GALNT2: variants seen among roughly 807,000 people sequenced by gnomAD.
GALNT2 encodes the protein UDP-GalNAc:polypeptide N-acetylgalactosaminyltransferase 2.
Under a neutral mutation model 81.4 loss-of-function variants are expected in GALNT2, and 31 were observed. The observed-to-expected ratio is 0.38, with a 90% confidence interval of 0.29 to 0.51. The LOEUF is 0.51. Among genes scored for constraint, GALNT2 ranks in the 20% least tolerant of loss-of-function variants. The pLI is 0.87. For synonymous variants in GALNT2, 303 were observed against 287.4 expected (o/e 1.05, Z -0.55); for missense variants, 629 against 765.7 (o/e 0.82, Z 2.11).
rs1314242242 is a variant in GALNT2 at position 230,178,201 on chromosome 1, T to A, written c.127-17T>A. 1 of 1,593,004 alleles carries A rather than the reference T, an allele frequency of 6.3e-7. No individual in the cohort carries two copies. The highest frequency in any genetic ancestry group is 2.2e-5 in the East Asian group (1 of 44,796). On this transcript the variant is annotated splice_polypyrimidine_tract_variant and intron_variant, in intron 1 of 15. Transcript: ENST00000366672. ...TTGAAGAACAAGTCAACTCATTCAG[T>A]GTCTTTGTTCCCCTAGGAGGACTGG...
In GALNT2 at chr1:230,243,482, A is replaced by C; in HGVS notation, c.729+55A>C. On this transcript the variant is annotated intron_variant, in intron 7 of 15. Transcript: ENST00000366672. This position sits in a 1 kb window ranked among gnomAD's most constrained non-coding sequence, Gnocchi z 4.2. ...AGGTCGTGGGTGGTTGGTAGAGGGG[A>C]CAGAAGGGAGCATGGTCCAGGGGAG... The C allele has an allele frequency of 6.3e-7, 1 of 1,596,590 alleles. No homozygotes were observed. The highest frequency in any genetic ancestry group is 1.3e-5 in the African/African-American group (1 of 74,676).
chr1:230,252,879 G>A (rs762751851), intron 10 of GALNT2, among the ~76,000 whole-genome samples: 51 of 116,948 alleles, frequency 4.4e-4, no homozygotes, highest in African/African-American at 1.3e-3. Flanking sequence ...ATGGAGTCTC[G>A]CTCTGTCACC....
At chr1:230,259,839 G>A (rs1665824978) in intron 11 of GALNT2, 1 of 152,230 alleles carries the variant, frequency 6.6e-6, no homozygotes, top group African/African-American at 2.4e-5. Context: ...TGGGGAAGTT[G>A]CAAATCTGTG....
intron 1 of GALNT2, among the ~76,000 whole-genome samples, chr1:230,155,324 G>T (rs1034962577): frequency 6.6e-6 from 1 of 152,168 alleles, no homozygotes; most frequent in South Asian, 2.1e-4. Context: ...GTTTTCGCTC[G>T]GAGGTGGGCC....
rs559051565 is a variant in GALNT2, at chr1:230,235,742, C to T, written c.375-272C>T. Among the ~76,000 whole-genome samples, 32 of 152,200 alleles carry T rather than the reference C, an allele frequency of 2.1e-4. No homozygotes were observed. The South Asian group carries it at 2.3e-3, about 11-fold the overall frequency. The stretch of plus-strand genomic sequence containing the variant: ...GAAATGGGATTTCACTGTTTTAAAA[C>T]ACTTTTTTTTAACGTGTTAGAAAGA... On this transcript the variant is annotated intron_variant, in intron 3 of 15. Coordinates refer to ENST00000366672, the MANE Select transcript of GALNT2 (RefSeq NM_004481.5).
rs552692299 is a variant in GALNT2 at position 230,059,703 on chromosome 1, C to A, written n.89+1625C>A. On this transcript the variant is annotated intron_variant and non_coding_transcript_variant, in intron 1 of 6. Coordinates refer to the GALNT2 transcript ENST00000494106. Reference sequence around the variant, plus strand: ...TTAAAGAAAACGATTTCAAACTTACCAAAAAAGTTGCAAAAATAGTGCAGA... The same window carrying A: ...TTAAAGAAAACGATTTCAAACTTACAAAAAAAGTTGCAAAAATAGTGCAGA... Among the ~76,000 whole-genome samples, 135 of 152,206 alleles carry A rather than the reference C, an allele frequency of 8.9e-4. 5 individuals carry two copies. The South Asian group carries it at 0.027, about 31-fold the overall frequency.
chr1:230,161,343 A>G (rs1209242184), intron 1 of GALNT2, among the ~76,000 whole-genome samples: 1 of 152,202 alleles, frequency 6.6e-6, no homozygotes, highest in Admixed American at 6.5e-5. Context: ...CAGCATTCTA[A>G]GAGGGCATGT....
At chr1:230,184,220 G>A (rs377372230) in intron 2 of GALNT2, among the ~76,000 whole-genome samples, 1 of 145,268 alleles carries the variant, frequency 6.9e-6, no homozygotes, top group Admixed American at 6.9e-5. Context: ...ACAGAGTCTC[G>A]CTCTATTACC....
chr1:230,066,255 G>T (rs907935129), upstream of GALNT2, among the ~76,000 whole-genome samples: 2 of 152,194 alleles, frequency 1.3e-5, no homozygotes, highest in African/African-American at 4.8e-5. Flanking sequence ...TAGGAACACT[G>T]GAAGCTTTGC....
intron 1 of GALNT2, among the ~76,000 whole-genome samples, chr1:230,094,541 G>A (rs1660188841): frequency 6.6e-6 from 1 of 152,186 alleles, no homozygotes; most frequent in South Asian, 2.1e-4. Flanking sequence ...GGGAGGCTGA[G>A]GCAGGAGAAT....
In GALNT2 at chr1:230,178,291, G is replaced by A; in HGVS notation, c.200G>A (p.Ser67Asn). 7.4e-6 allele frequency: 12 copies of A among 1,613,956 alleles called. No homozygotes were observed. Among genetic ancestry groups the A allele is most frequent in the Non-Finnish European group, 1.0e-5 (12 of 1,179,902 alleles). ...AGCAATGGAGAAGAGAAAGCACAAAGCATGGAGACCCTCCCTCCAGGTACT... is the reference window on the plus strand; with the variant it reads ...AGCAATGGAGAAGAGAAAGCACAAAACATGGAGACCCTCCCTCCAGGTACT... Reference protein sequence around the residue: ...HHSNGEEKAQSMETLPPGKVR... With the variant: ...HHSNGEEKAQNMETLPPGKVR... Residue 67 changes from serine (S) to asparagine (N), a missense_variant, in exon 2 of 16, where the codon AGC becomes AAC. Physicochemically the swap from Ser to Asn is conservative, Grantham distance 46. Around this residue, in one of 3 missense-constraint regions of GALNT2, gnomAD observed 360 missense variants for 492.8 expected, o/e 0.73. Coordinates refer to ENST00000366672, the MANE Select transcript of GALNT2 (RefSeq NM_004481.5).
At chr1:230,105,350 G>A (rs993731745) in intron 1 of GALNT2, among the ~76,000 whole-genome samples, 8 of 152,308 alleles carry the variant, frequency 5.3e-5, no homozygotes, top group East Asian at 1.9e-4. Context: ...GAGCTCTGGG[G>A]CCCACTGGGG....
intron 1 of GALNT2, among the ~76,000 whole-genome samples, chr1:230,171,859 C>T (rs1662804923): frequency 6.6e-6 from 1 of 152,076 alleles, no homozygotes; most frequent in African/African-American, 2.4e-5. Flanking sequence ...TGAGATGAAG[C>T]CACATTTTTG....
chr1:230,199,936 A>C (rs1663831420), intron 2 of GALNT2, among the ~76,000 whole-genome samples: 1 of 152,198 alleles, frequency 6.6e-6, no homozygotes, highest in South Asian at 2.1e-4. Flanking sequence ...TTCTGCAGGG[A>C]AGCCGCCCCT....
In GALNT2 at chr1:230,123,842, G is replaced by C. The variant is rs774608258; in HGVS notation, c.127-54376G>C. On this transcript the variant is annotated intron_variant, in intron 1 of 15. Transcript: ENST00000366672. ...TTTGTTTGCTAGTCTCTCAGCATGCGTGGTTTTGAAAATGACCTGCACACT... is the reference window on the plus strand; with the variant it reads ...TTTGTTTGCTAGTCTCTCAGCATGCCTGGTTTTGAAAATGACCTGCACACT... Among the ~76,000 whole-genome samples the C allele has an allele frequency of 5.5e-4, 84 of 152,176 alleles. 1 individual carries two copies. The highest frequency in any genetic ancestry group is 1.3e-4 in the Non-Finnish European group (9 of 68,048).
intron 4 of GALNT2, 104 bp downstream of exon 4, chr1:230,236,216 CTGACTGCTCAGCACAGGGTGCAG>C: frequency 7.2e-7 from 1 of 1,380,612 alleles, no homozygotes; most frequent in South Asian, 1.2e-5. Flanking sequence ...ACAGGGTCTC[CTGACTGCTCAGCACAGGGTGCAG>C]TGTGTAGCTC....
intron 1 of GALNT2, among the ~76,000 whole-genome samples, chr1:230,120,801 C>T (rs1388800213): frequency 2.0e-5 from 3 of 152,164 alleles, no homozygotes; most frequent in African/African-American, 7.2e-5. Flanking sequence ...GGCCCCAGGT[C>T]GTCACACATG....
In GALNT2 at chr1:230,243,507, G is replaced by C. The variant is rs1665266813; in HGVS notation, c.729+80G>C. 1.9e-6 allele frequency: 3 copies of C among 1,540,680 alleles called. No homozygotes were observed. Among genetic ancestry groups the C allele is most frequent in the Admixed American group, 4.0e-5 (2 of 50,536 alleles). ...ACAGAAGGGAGCATGGTCCAGGGGA[G>C]GTGTAACGCAGGGAGTAGGGCGTCA... On this transcript the variant is annotated intron_variant, in intron 7 of 15. Coordinates refer to ENST00000366672, the MANE Select transcript of GALNT2 (RefSeq NM_004481.5). The surrounding 1 kb of genome is among the most constrained non-coding windows in gnomAD (Gnocchi z 4.2).
rs58639878 is a variant in GALNT2, at chr1:230,094,163, ATTTTTT to A, written c.126+26779_126+26784del. Reference sequence around the variant, plus strand: ...CAGGTGTGTGCCACCATGCTGGCTAATTTTTTTTTTTTTTTTTTTTTTTTTTTGGTA... The same window carrying A: ...CAGGTGTGTGCCACCATGCTGGCTAATTTTTTTTTTTTTTTTTTTTTGGTA... On this transcript the variant is annotated intron_variant, in intron 1 of 15. Transcript: ENST00000366672. 3.0e-3 allele frequency among the ~76,000 whole-genome samples: 363 copies of A among 119,354 alleles called. 5 individuals are homozygous for A. Among genetic ancestry groups the A allele is most frequent in the East Asian group, 0.013 (53 of 4,056 alleles). The allele number at this position is 119,354 out of a possible 152,430, so 78.3% of individuals were successfully genotyped here. A position where few individuals can be genotyped will look rare whatever the true frequency, so the allele number is the denominator to read the frequency against.
Sources: gnomAD v4.1 joint callset for allele counts (sites outside exome capture counted in the v4.1 genomes callset) on GRCh38, gnomAD v4.1.1 for gene constraint, gnomAD v4.1.1 regional missense constraint, Gnocchi (gnomAD v3.1) non-coding constraint, MANE v1.5 for transcripts, NCBI Gene and HGNC (gene_info 2026-07-23, HGNC 2026-07-21) for gene names.